Variants in PLCB1 observed in about 807,000 individuals in gnomAD.
The protein encoded by PLCB1 is phospholipase C beta 1, also known as 1-phosphatidylinositol 4,5-bisphosphate phosphodiesterase beta-1.
A neutral mutation model predicts 161.8 loss-of-function variants in PLCB1; 46 were observed. That is an observed-to-expected ratio of 0.28 (90% CI 0.22 to 0.36). The LOEUF (loss-of-function observed/expected upper bound fraction) is 0.36, where lower values mean the gene tolerates loss of function less well. PLCB1 is among the 10% of genes least tolerant of loss of function. The pLI, the probability that PLCB1 is intolerant of heterozygous loss-of-function variation, is 1.00. For missense variants in PLCB1, 1,016 were observed against 1,472.5 expected, an observed-to-expected ratio of 0.69 and a Z score of 5.07; for synonymous variants, 517 against 503.7, an observed-to-expected ratio of 1.03 and a Z score of -0.35.
intron 9 of PLCB1, among the ~76,000 whole-genome samples, chr20:8,659,446 T>A (rs1469469818): frequency 6.6e-6 from 1 of 152,124 alleles, no homozygotes; most frequent in East Asian, 1.9e-4. Flanking sequence ...CCAAGAAAAT[T>A]AGTGTGTTAT....
chr20:8,195,021 C>A lies in PLCB1; in HGVS notation c.177+44650C>A, dbSNP rs1469087628. On this transcript the variant is annotated intron_variant, in intron 2 of 31. Coordinates refer to ENST00000338037, the MANE Select transcript of PLCB1 (RefSeq NM_015192.4). ...ATATCTAAATTTTTAGACCTGAGAT[C>A]ATTTCTTTGGATTCCCTTCTACAGA... Among the ~76,000 whole-genome samples, 6 of 152,034 alleles carry A rather than the reference C, an allele frequency of 3.9e-5. No homozygotes were observed. The East Asian group carries it at 9.6e-4, about 24-fold the overall frequency.
At chr20:8,823,777 A>G (rs1331547495) in intron 31 of PLCB1, among the ~76,000 whole-genome samples, 2 of 152,046 alleles carry the variant, frequency 1.3e-5, no homozygotes, top group Non-Finnish European at 2.9e-5. Flanking sequence ...CTCAGCACTA[A>G]CGCCTTCTAC....
chr20:8,585,582 C>T (rs1430520547), intron 3 of PLCB1, among the ~76,000 whole-genome samples: 2 of 152,214 alleles, frequency 1.3e-5, no homozygotes, highest in Non-Finnish European at 2.9e-5. Context: ...ACGTTATTAA[C>T]TCTTTTTAGA....
chr20:8,391,284 C>A (rs1232777), intron 3 of PLCB1, among the ~76,000 whole-genome samples: 81,612 of 151,728 alleles, frequency 0.54, 22,507 homozygotes, highest in African/African-American at 0.66. Context: ...AGGCATATTT[C>A]TCTTTGCAGC....
intron 2 of PLCB1, among the ~76,000 whole-genome samples, chr20:8,297,230 T>C (rs567981802): frequency 2.6e-5 from 4 of 152,324 alleles, no homozygotes; most frequent in African/African-American, 9.6e-5. Flanking sequence ...TGTGTATATC[T>C]ATATGTGTAT....
chr20:8,509,772 AG>A (rs1568705432), intron 3 of PLCB1, among the ~76,000 whole-genome samples: 3 of 150,256 alleles, frequency 2.0e-5, no homozygotes, highest in Non-Finnish European at 4.4e-5. Context: ...ATAGATAGAT[AG>A]ATAGATAGAT....
chr20:8,719,349 A>G (rs902658534), intron 14 of PLCB1, among the ~76,000 whole-genome samples: 5 of 152,188 alleles, frequency 3.3e-5, no homozygotes, highest in African/African-American at 1.2e-4. Flanking sequence ...TTACCAAGAG[A>G]CACGTACAAG....
At chr20:8,809,990 A>G (rs1246090664) in intron 31 of PLCB1, among the ~76,000 whole-genome samples, 2 of 152,142 alleles carry the variant, frequency 1.3e-5, no homozygotes, top group Non-Finnish European at 2.9e-5. Context: ...ACCTGACTCC[A>G]TTTTACAGGG....
rs193127670 is a variant in PLCB1, at chr20:8,541,758, G to A, written c.247-86536G>A. 1.2e-3 allele frequency among the ~76,000 whole-genome samples: 186 copies of A among 152,238 alleles called. 2 individuals are homozygous for A. Among genetic ancestry groups the A allele is most frequent in the African/African-American group, 4.3e-3 (177 of 41,548 alleles). ...TAACTAGTTCCATGCTTCACTTAAT[G>A]GTTTAATTATCAAGAAGTTTTGAAT... is the stretch of plus-strand genomic sequence containing the variant. On this transcript the variant is annotated intron_variant, in intron 3 of 31. Transcript: ENST00000338037.
intron 31 of PLCB1, among the ~76,000 whole-genome samples, chr20:8,829,135 G>C (rs552360404): frequency 6.6e-6 from 1 of 152,234 alleles, no homozygotes; most frequent in Middle Eastern, 3.4e-3. Context: ...TATGTGAAAA[G>C]ATTTTCATAA....
chr20:8,771,021 A>G (rs187215604), intron 26 of PLCB1, among the ~76,000 whole-genome samples: 17 of 152,344 alleles, frequency 1.1e-4, no homozygotes, highest in Non-Finnish European at 1.9e-4. Flanking sequence ...GAAAATAGAA[A>G]GAGAAACAAC....
Position 8,133,664 on chromosome 20 carries a change from C to T in PLCB1, c.99+914C>T, listed in dbSNP as rs528403228. Among the ~76,000 whole-genome samples, 187 of 152,200 alleles carry T rather than the reference C, an allele frequency of 1.2e-3. 2 individuals are homozygous for T. The highest frequency in any genetic ancestry group is 4.4e-3 in the African/African-American group (184 of 41,514). ...ATCCAGCTGAAAACATGCGAATCTTCGGATGGAGAACATTATGGTATCAGT... is the reference window on the plus strand; with the variant it reads ...ATCCAGCTGAAAACATGCGAATCTTTGGATGGAGAACATTATGGTATCAGT... On this transcript the variant is annotated intron_variant, in intron 1 of 31. Transcript: ENST00000338037.
intron 3 of PLCB1, among the ~76,000 whole-genome samples, chr20:8,406,955 A>G (rs1311434978): frequency 6.6e-6 from 1 of 152,180 alleles, no homozygotes; most frequent in African/African-American, 2.4e-5. Context: ...ACTGCTAAGT[A>G]AGTAAAGAAT....
chr20:8,737,274 T>C (rs943401379), intron 20 of PLCB1, 82 bp downstream of exon 20: 6 of 1,178,546 alleles, frequency 5.1e-6, no homozygotes, highest in Non-Finnish European at 6.1e-6. Context: ...TGGTGAATTA[T>C]TTGTTATTTA....
intron 3 of PLCB1, among the ~76,000 whole-genome samples, chr20:8,593,352 CGT>C (rs542015201): frequency 2.1e-4 from 32 of 149,640 alleles, no homozygotes; most frequent in Admixed American, 3.3e-4. Flanking sequence ...TGTGTGTGCG[CGT>C]GTGTGTGTGT....
chr20:8,199,399 G>A (rs1372703058), intron 2 of PLCB1, among the ~76,000 whole-genome samples: 1 of 152,086 alleles, frequency 6.6e-6, no homozygotes, highest in Non-Finnish European at 1.5e-5. Flanking sequence ...TTGTCTCTCA[G>A]AATAAAACTG....
At chr20:8,135,144 A>G (rs1161415000) in intron 1 of PLCB1, among the ~76,000 whole-genome samples, 1 of 152,164 alleles carries the variant, frequency 6.6e-6, no homozygotes, top group Non-Finnish European at 1.5e-5. Context: ...AAAGAACCAG[A>G]TCTTGAATCA....
chr20:8,840,935 GC>G (rs1986479621), intron 31 of PLCB1, among the ~76,000 whole-genome samples: 1 of 152,110 alleles, frequency 6.6e-6, no homozygotes, highest in Admixed American at 6.5e-5. Flanking sequence ...TCCTGCCTCA[GC>G]CTCCGGAGTA....
chr20:8,673,915 G>A (rs1205490609), intron 9 of PLCB1, among the ~76,000 whole-genome samples: 1 of 152,076 alleles, frequency 6.6e-6, no homozygotes, highest in East Asian at 1.9e-4. Flanking sequence ...GCATCTCTTT[G>A]CTGACAGCTC....
Sources: gnomAD v4.1 joint callset for allele counts (sites outside exome capture counted in the v4.1 genomes callset) on GRCh38, gnomAD v4.1.1 for gene constraint, MANE v1.5 for transcripts, NCBI Gene and HGNC (gene_info 2026-07-23, HGNC 2026-07-21) for gene names.